DOCK2: variants seen among roughly 807,000 people sequenced by gnomAD.
The protein encoded by DOCK2 is dedicator of cytokinesis protein 2.
In DOCK2, 87 loss-of-function variants were observed where a neutral mutation model predicts 248.9. The observed-to-expected ratio is 0.35, with a 90% CI of 0.29 to 0.42. The LOEUF (loss-of-function observed/expected upper bound fraction) is 0.42. DOCK2 is among the 10% of genes least tolerant of loss of function. The probability of loss-of-function intolerance (pLI) is 1.00; values close to 1 mark genes in which losing one functional copy is unlikely to be tolerated. For synonymous variants in DOCK2, 805 were observed against 821.6 expected (o/e 0.98, Z 0.35); for missense variants, 1,747 against 2,300.2 (o/e 0.76, Z 4.92).
intron 15 of DOCK2, among the ~76,000 whole-genome samples, chr5:169,710,993 G>A (rs1210576760): frequency 3.3e-5 from 5 of 152,144 alleles, no homozygotes; most frequent in Non-Finnish European, 1.5e-5. Flanking sequence ...CATGATTGTA[G>A]CTTCTAGTGA....
intron 8 of DOCK2, among the ~76,000 whole-genome samples, chr5:169,686,148 C>T (rs1759965486): frequency 6.6e-6 from 1 of 152,188 alleles, no homozygotes; most frequent in Non-Finnish European, 1.5e-5. Flanking sequence ...CTTGCTGTTC[C>T]CTGTCAGTTA....
intron 29 of DOCK2, among the ~76,000 whole-genome samples, chr5:169,992,974 C>T (rs1469491597): frequency 6.6e-6 from 1 of 152,178 alleles, no homozygotes; most frequent in Non-Finnish European, 1.5e-5. Flanking sequence ...TTAGGCTGGC[C>T]TTTGAGGCTG....
At chr5:169,696,804 A>C (rs976284660) in intron 10 of DOCK2, among the ~76,000 whole-genome samples, 1 of 149,846 alleles carries the variant, frequency 6.7e-6, no homozygotes, top group African/African-American at 2.5e-5. Context: ...GGAGTGGAGG[A>C]TGTTTTACTG....
intron 27 of DOCK2, among the ~76,000 whole-genome samples, chr5:169,870,413 CA>C (rs1477189164): frequency 1.3e-5 from 2 of 152,048 alleles, no homozygotes; most frequent in East Asian, 3.9e-4. Flanking sequence ...AGCTCATGAG[CA>C]AACAACAGAG....
intron 26 of DOCK2, among the ~76,000 whole-genome samples, chr5:169,826,182 G>A (rs1272666727): frequency 6.6e-6 from 1 of 152,086 alleles, no homozygotes. Context: ...GTATACTTTG[G>A]ACTTTCAAAA....
At chr5:169,674,988 A>G (rs985494800) in intron 6 of DOCK2, among the ~76,000 whole-genome samples, 3 of 152,264 alleles carry the variant, frequency 2.0e-5, no homozygotes, top group Non-Finnish European at 2.9e-5. Context: ...TGATAATAAC[A>G]TTATAAGTAA....
At chr5:169,646,609 G>A (rs376689780) in intron 1 of DOCK2, among the ~76,000 whole-genome samples, 3 of 152,308 alleles carry the variant, frequency 2.0e-5, no homozygotes, top group African/African-American at 4.8e-5. Flanking sequence ...TAGCAGGAAC[G>A]TGGTAGGTCA....
intron 40 of DOCK2, among the ~76,000 whole-genome samples, chr5:170,049,889 G>GTCCAGCCCACAGT (rs1178969783): frequency 6.6e-6 from 1 of 152,184 alleles, no homozygotes; most frequent in Non-Finnish European, 1.5e-5. Context: ...CAGCCCACAG[G>GTCCAGCCCACAGT]TCCAGCCCAC....
At chr5:169,818,741 T>C (rs1336433721) in intron 26 of DOCK2, among the ~76,000 whole-genome samples, 2 of 152,154 alleles carry the variant, frequency 1.3e-5, no homozygotes, top group East Asian at 3.9e-4. Context: ...TCTAACAGAC[T>C]GTGTGACCTG....
intron 27 of DOCK2, among the ~76,000 whole-genome samples, chr5:169,950,325 A>T (rs1176317858): frequency 6.6e-6 from 1 of 152,232 alleles, no homozygotes; most frequent in Non-Finnish European, 1.5e-5. Context: ...TTTAGGATTA[A>T]GAGCATTGAT....
intron 25 of DOCK2, among the ~76,000 whole-genome samples, chr5:169,785,420 T>G (rs1765932491): frequency 6.6e-6 from 1 of 152,192 alleles, no homozygotes; most frequent in African/African-American, 2.4e-5. Flanking sequence ...TATCAAATAT[T>G]TTCCCACTAT....
chr5:169,697,071 G>C (rs1760675385), intron 10 of DOCK2, among the ~76,000 whole-genome samples: 1 of 152,106 alleles, frequency 6.6e-6, no homozygotes, highest in South Asian at 2.1e-4. Flanking sequence ...TTTGTCCTCA[G>C]CTGTAGCCTG....
intron 26 of DOCK2, among the ~76,000 whole-genome samples, chr5:169,825,777 A>G (rs1768809149): frequency 6.7e-6 from 1 of 149,838 alleles, no homozygotes; most frequent in South Asian, 2.1e-4. Flanking sequence ...AATAAAAAAT[A>G]TATCTATATA....
chr5:169,941,117 C>T (rs975933701), intron 27 of DOCK2, among the ~76,000 whole-genome samples: 4 of 152,146 alleles, frequency 2.6e-5, no homozygotes, highest in African/African-American at 7.2e-5. Flanking sequence ...AGCCGCGCCC[C>T]GAAGGGAAAG....
At chr5:169,997,375 A>G (rs941674288) in intron 30 of DOCK2, among the ~76,000 whole-genome samples, 1 of 147,272 alleles carries the variant, frequency 6.8e-6, no homozygotes, top group Non-Finnish European at 1.5e-5. Context: ...TCTCAACTGC[A>G]AGAGACATTC....
At chr5:169,686,364 G>A (rs762361514) in intron 8 of DOCK2, among the ~76,000 whole-genome samples, 6 of 152,240 alleles carry the variant, frequency 3.9e-5, no homozygotes, top group Non-Finnish European at 8.8e-5. Flanking sequence ...AATCAGCGAG[G>A]TGGCAGCTGT....
chr5:169,889,615 G>A (rs531829648), intron 27 of DOCK2, among the ~76,000 whole-genome samples: 26 of 152,110 alleles, frequency 1.7e-4, no homozygotes, highest in African/African-American at 3.9e-4. Context: ...TATCCTTTAC[G>A]CCAGGAGTCA....
At chr5:169,884,788 T>C (rs1457943109) in intron 27 of DOCK2, 1 of 152,126 alleles carries the variant, frequency 6.6e-6, no homozygotes, top group Non-Finnish European at 1.5e-5. Flanking sequence ...TGAGCTGGGG[T>C]CTGATATCTG....
At chr5:170,043,035 G>A (rs1016922362) in intron 38 of DOCK2, among the ~76,000 whole-genome samples, 5 of 152,210 alleles carry the variant, frequency 3.3e-5, no homozygotes, top group African/African-American at 1.2e-4. Flanking sequence ...AAACAGCAAG[G>A]ATGCTTGGCT....
Sources: gnomAD v4.1 joint callset for allele counts (sites outside exome capture counted in the v4.1 genomes callset) on GRCh38, gnomAD v4.1.1 for gene constraint, MANE v1.5 for transcripts, NCBI Gene and HGNC (gene_info 2026-07-23, HGNC 2026-07-21) for gene names.